Variants in GSE1 observed in about 807,000 individuals in gnomAD.
GSE1 encodes Gse1 coiled-coil protein, also known as genetic suppressor element 1.
GSE1 carries 32 observed loss-of-function variants against 112.6 expected under a neutral mutation model. That is an observed-to-expected ratio of 0.28 (90% confidence interval 0.21 to 0.38). The LOEUF is 0.38. Ranked by LOEUF, GSE1 falls within the 10% of genes least tolerant of loss-of-function variation. GSE1 has a pLI of 1.00. For synonymous variants in GSE1, 1,115 were observed against 735.6 expected, an observed-to-expected ratio of 1.52 and a Z score of -8.35; for missense variants, 2,348 against 1,699.2, an observed-to-expected ratio of 1.38 and a Z score of -6.71.
intron 1 of GSE1, among the ~76,000 whole-genome samples, chr16:85,589,522 C>CG (rs1019135170): frequency 3.9e-5 from 6 of 152,040 alleles, no homozygotes; most frequent in Admixed American, 6.6e-5. Flanking sequence ...GAAGGTGGGG[C>CG]GGGGGGTCCC....
chr16:85,427,207 C>T (rs961188648), intron 2 of GSE1, among the ~76,000 whole-genome samples: 2 of 152,192 alleles, frequency 1.3e-5, no homozygotes, highest in Non-Finnish European at 2.9e-5. Context: ...CTCCCAGACC[C>T]TCCAGGGTGC....
intron 2 of GSE1, among the ~76,000 whole-genome samples, chr16:85,422,575 G>A (rs2048873614): frequency 7.4e-6 from 1 of 134,848 alleles, no homozygotes; most frequent in African/African-American, 2.5e-5. Context: ...GCCCTGTTCT[G>A]GCCAAAAGAA....
At chr16:85,662,921 C>T (rs2052549532) in intron 9 of GSE1, 60 bp from the exon 10 acceptor site, 2 of 1,180,584 alleles carry the variant, frequency 1.7e-6, no homozygotes, top group Middle Eastern at 1.9e-4. Context: ...GCCCTGCGGG[C>T]ATGTCCACTG....
At chr16:85,537,849 G>A (rs2044383329) in intron 2 of GSE1, among the ~76,000 whole-genome samples, 1 of 152,242 alleles carries the variant, frequency 6.6e-6, no homozygotes, top group Non-Finnish European at 1.5e-5. Flanking sequence ...CGGTTGGGGT[G>A]GGCCTCTCTA....
At chr16:85,606,383 C>T (rs991906255) in intron 1 of GSE1, among the ~76,000 whole-genome samples, 4 of 152,228 alleles carry the variant, frequency 2.6e-5, no homozygotes, top group African/African-American at 7.2e-5. Context: ...CAACCTCATC[C>T]GTGCAGTGTA....
chr16:85,281,397 C>T (rs931764133), intron 1 of GSE1, among the ~76,000 whole-genome samples: 2 of 152,172 alleles, frequency 1.3e-5, no homozygotes, highest in Middle Eastern at 3.4e-3. Flanking sequence ...AATTAACCCT[C>T]ACAGCAGCTC....
At chr16:85,537,761 G>C (rs1294243030) in intron 2 of GSE1, among the ~76,000 whole-genome samples, 4 of 151,378 alleles carry the variant, frequency 2.6e-5, no homozygotes, top group African/African-American at 4.9e-5. Context: ...ATGAAGGACA[G>C]AAAAGCCAGG....
intron 1 of GSE1, among the ~76,000 whole-genome samples, chr16:85,314,779 G>A (rs1450271154): frequency 6.6e-6 from 1 of 152,198 alleles, no homozygotes; most frequent in African/African-American, 2.4e-5. Flanking sequence ...CCCAGGCAAG[G>A]TTCCCTGGGG....
chr16:85,359,106 C>T (rs887811119), intron 2 of GSE1, among the ~76,000 whole-genome samples: 4 of 152,172 alleles, frequency 2.6e-5, no homozygotes, highest in South Asian at 4.1e-4. Context: ...GATTTGTTTG[C>T]GATTTCTCAC....
chr16:85,219,966 G>A (rs2075364257), intron 1 of GSE1, among the ~76,000 whole-genome samples: 1 of 152,206 alleles, frequency 6.6e-6, no homozygotes, highest in Non-Finnish European at 1.5e-5. Context: ...CCAGCCTGGA[G>A]GATGGGAATC....
intron 1 of GSE1, among the ~76,000 whole-genome samples, chr16:85,304,601 C>CGGA (rs1555557423): frequency 2.6e-5 from 2 of 78,220 alleles, no homozygotes; most frequent in East Asian, 9.0e-4. Flanking sequence ...AAGCCGGGGG[C>CGGA]GGGGGGGTGG....
At chr16:85,545,063 T>C (rs557842745) in intron 2 of GSE1, among the ~76,000 whole-genome samples, 1 of 152,276 alleles carries the variant, frequency 6.6e-6, no homozygotes, top group East Asian at 1.9e-4. Flanking sequence ...CTCTGCACAA[T>C]GCAGAATGTG....
At chr16:85,495,675 T>G (rs932568087) in intron 2 of GSE1, among the ~76,000 whole-genome samples, 1 of 151,964 alleles carries the variant, frequency 6.6e-6, no homozygotes, top group Non-Finnish European at 1.5e-5. Flanking sequence ...AAAAAAATTT[T>G]TAGTAGAGAT....
chr16:85,196,350 G>T (rs1216958768), intron 1 of GSE1, among the ~76,000 whole-genome samples: 1 of 152,174 alleles, frequency 6.6e-6, no homozygotes, highest in East Asian at 1.9e-4. Context: ...GTTTCATGGA[G>T]AACTTGGAGG....
At position 85,453,654 on chromosome 16, in the gene GSE1, C is replaced by T. The variant is rs536858676; in HGVS notation, c.2464+96011C>T. Among the ~76,000 whole-genome samples the T allele has an allele frequency of 2.0e-5, 3 of 152,208 alleles. No homozygotes were observed. The South Asian group carries it at 6.2e-4, about 32-fold the overall frequency. On this transcript the variant is annotated intron_variant, in intron 2 of 2. Transcript: ENST00000637419. Reference sequence around the variant, plus strand: ...CCAGGCTCAGGTGGGCAGTTCCTGTCCTGAAGTCTAGAGCTCAGGGGGCTG... The same window carrying T: ...CCAGGCTCAGGTGGGCAGTTCCTGTTCTGAAGTCTAGAGCTCAGGGGGCTG...
intron 1 of GSE1, among the ~76,000 whole-genome samples, chr16:85,560,843 C>T (rs911781175): frequency 6.6e-6 from 1 of 151,960 alleles, no homozygotes; most frequent in East Asian, 1.9e-4. Context: ...ATAATAATAA[C>T]GAGGACTGGG....
At chr16:85,663,208 C>T (rs1428698417) in intron 10 of GSE1, 115 bp downstream of exon 10, 2 of 1,276,514 alleles carry the variant, frequency 1.6e-6, no homozygotes, top group East Asian at 2.3e-5. Flanking sequence ...GGCGGGTTCG[C>T]CCCATGAAGC....
chr16:85,542,096 G>T (rs1345226557), intron 2 of GSE1, among the ~76,000 whole-genome samples: 1 of 141,250 alleles, frequency 7.1e-6, no homozygotes, highest in Non-Finnish European at 1.6e-5. Flanking sequence ...CACCCCATCC[G>T]GTTTTGACCT....
At chr16:85,468,773 A>G (rs938413495) in intron 2 of GSE1, among the ~76,000 whole-genome samples, 11 of 152,208 alleles carry the variant, frequency 7.2e-5, no homozygotes, top group African/African-American at 2.7e-4. Flanking sequence ...CTGATGTCTA[A>G]GAGTATGAGC....
Sources: gnomAD v4.1 joint callset for allele counts (sites outside exome capture counted in the v4.1 genomes callset) on GRCh38, gnomAD v4.1.1 for gene constraint, MANE v1.5 for transcripts, NCBI Gene and HGNC (gene_info 2026-07-23, HGNC 2026-07-21) for gene names.